The following HSD17B6 variants were observed in gnomAD, a reference collection of about 807,000 sequenced individuals.
HSD17B6 encodes 17-beta-hydroxysteroid dehydrogenase type 6.
HSD17B6 carries 16 observed loss-of-function variants against 26.4 expected under a neutral mutation model. The observed-to-expected ratio is 0.61, with a 90% CI of 0.41 to 0.92. The LOEUF (loss-of-function observed/expected upper bound fraction) is 0.92. Among genes scored for constraint, HSD17B6 ranks in the 40% least tolerant of loss-of-function variants. The pLI is 0.00. For missense variants in HSD17B6, 357 were observed against 386.1 expected (o/e 0.92, Z 0.63); for synonymous variants, 139 against 153.0 (o/e 0.91, Z 0.68).
At chr12:56,778,674 CTT>C (rs1159153527) in intron 2 of HSD17B6, among the ~76,000 whole-genome samples, 12 of 122,956 alleles carry the variant, frequency 9.8e-5, no homozygotes, top group Admixed American at 2.5e-4. Context: ...GAGTCTTTTT[CTT>C]TTTTTTTTTT....
chr12:56,774,468 C>G lies in HSD17B6; in HGVS notation c.313+303C>G, dbSNP rs560083774. 2.6e-5 allele frequency among the ~76,000 whole-genome samples: 4 copies of G among 152,266 alleles called. No individual in the cohort carries two copies. The South Asian group carries it at 8.3e-4, about 32-fold the overall frequency. On this transcript the variant is annotated intron_variant, in intron 2 of 4. Coordinates refer to ENST00000322165, the MANE Select transcript of HSD17B6 (RefSeq NM_003725.4). Reference sequence around the variant, plus strand: ...CAGCCGTCCCCAGCCTTTTTGGCACCAGGGACCGGTTTTGTGGAAGACAGT... The same window carrying G: ...CAGCCGTCCCCAGCCTTTTTGGCACGAGGGACCGGTTTTGTGGAAGACAGT...
intron 2 of HSD17B6, among the ~76,000 whole-genome samples, chr12:56,781,183 A>C (rs2137923825): frequency 6.6e-6 from 1 of 152,312 alleles, no homozygotes; most frequent in African/African-American, 2.4e-5. Flanking sequence ...ATTACTTCAA[A>C]TACTGCCTTT....
At chr12:56,767,905 TACAC>T (rs1030544604) in intron 1 of HSD17B6, among the ~76,000 whole-genome samples, 28 of 150,452 alleles carry the variant, frequency 1.9e-4, no homozygotes, top group Admixed American at 1.3e-3. Flanking sequence ...ATACAATGTA[TACAC>T]ACACGTATAC....
At chr12:56,772,143 A>G (rs1469556312) in intron 1 of HSD17B6, among the ~76,000 whole-genome samples, 1 of 151,840 alleles carries the variant, frequency 6.6e-6, no homozygotes, top group Non-Finnish European at 1.5e-5. Context: ...CTCAACTTAT[A>G]TTTTATTCTC....
At chr12:56,778,546 G>C (rs1954640198) in intron 2 of HSD17B6, among the ~76,000 whole-genome samples, 1 of 152,088 alleles carries the variant, frequency 6.6e-6, no homozygotes, top group Non-Finnish European at 1.5e-5. Flanking sequence ...CAAAGTGCTG[G>C]GATTACAGGC....
intron 1 of HSD17B6, among the ~76,000 whole-genome samples, chr12:56,765,864 G>C (rs1325905073): frequency 6.6e-6 from 1 of 152,108 alleles, no homozygotes; most frequent in Non-Finnish European, 1.5e-5. Context: ...CATGCAGAGA[G>C]GTTCTTGGAA....
intron 1 of HSD17B6, among the ~76,000 whole-genome samples, chr12:56,767,164 T>C (rs1954347403): frequency 6.6e-6 from 1 of 152,090 alleles, no homozygotes; most frequent in Admixed American, 6.6e-5. Context: ...GAAAAGTCAC[T>C]TAATTCTTGC....
Position 56,787,275 on chromosome 12 carries a change from A to AT in HSD17B6, c.890dup (p.Leu297PhefsTer12), listed in dbSNP as rs1390411872. 1 of 1,614,082 alleles carries AT rather than the reference A, an allele frequency of 6.2e-7. No homozygotes were observed. The highest frequency in any genetic ancestry group is 8.5e-7 in the Non-Finnish European group (1 of 1,179,994). On this transcript the variant is annotated frameshift_variant, in exon 5 of 5. Transcript: ENST00000322165. LOFTEE classifies it low-confidence loss of function (END_TRUNC). ...AAATTTTTCTTCATCCCTCTATCTT[A>AT]TTTACCTACATCACTGGCAGACTAC...
intron 1 of HSD17B6, 48 bp from the exon 2 acceptor site, chr12:56,773,786 T>A: frequency 6.8e-7 from 1 of 1,472,094 alleles, no homozygotes; most frequent in Non-Finnish European, 9.1e-7. Context: ...AATAGATATA[T>A]TGGTTAAATA....
chr12:56,773,047 G>A (rs1045468797), intron 1 of HSD17B6, among the ~76,000 whole-genome samples: 1 of 152,120 alleles, frequency 6.6e-6, no homozygotes, highest in East Asian at 1.9e-4. Flanking sequence ...ACTAAAAAAT[G>A]GTGGACTTTG....
In HSD17B6 at chr12:56,784,836, G is replaced by A. The variant is rs759704190; in HGVS notation, c.573-17G>A. 7 of 1,610,010 alleles carry A rather than the reference G, an allele frequency of 4.3e-6. No homozygotes were observed. The highest frequency in any genetic ancestry group is 5.9e-6 in the Non-Finnish European group (7 of 1,178,882). On this transcript the variant is annotated splice_polypyrimidine_tract_variant and intron_variant, in intron 3 of 4. Coordinates refer to ENST00000322165, the MANE Select transcript of HSD17B6 (RefSeq NM_003725.4). The stretch of plus-strand genomic sequence containing the variant: ...TGGTGGTGGTCTTTAATCATAACTT[G>A]TGGGGTTTTATTTCAGGCGTGAGAT...
chr12:56,773,883 C>G lies in HSD17B6; in HGVS notation c.31C>G (p.Leu11Val). 1 of 1,595,112 alleles carries G rather than the reference C, an allele frequency of 6.3e-7. No individual in the cohort carries two copies. Among genetic ancestry groups the G allele is most frequent in the Non-Finnish European group, 8.6e-7 (1 of 1,167,486 alleles). The part of the protein sequence containing the change: MWLYLAAFVG[L>V]YYLLHWYRER... Reference sequence around the variant, plus strand: ...GCTCTACCTGGCGGCCTTCGTGGGCCTGTACTACCTTCTGCACTGGTACCG... The same window carrying G: ...GCTCTACCTGGCGGCCTTCGTGGGCGTGTACTACCTTCTGCACTGGTACCG... The change falls in exon 2 of 5, where the codon CTG becomes GTG. Residue 11 changes from leucine (L) to valine (V), a missense_variant. Coordinates refer to ENST00000322165, the MANE Select transcript of HSD17B6 (RefSeq NM_003725.4).
At chr12:56,778,736 G>A (rs1954647010) in intron 2 of HSD17B6, among the ~76,000 whole-genome samples, 1 of 147,454 alleles carries the variant, frequency 6.8e-6, no homozygotes, top group South Asian at 2.1e-4. Context: ...GTGCAGTGGC[G>A]CAATCTCGGC....
chr12:56,768,876 G>A (rs1316259368), intron 1 of HSD17B6, among the ~76,000 whole-genome samples: 1 of 152,028 alleles, frequency 6.6e-6, no homozygotes, highest in Non-Finnish European at 1.5e-5. Context: ...AGAGAACATG[G>A]ATGGTAAAGG....
At chr12:56,776,106 A>G (rs1331414467) in intron 2 of HSD17B6, among the ~76,000 whole-genome samples, 2 of 151,188 alleles carry the variant, frequency 1.3e-5, no homozygotes, top group Non-Finnish European at 2.9e-5. Flanking sequence ...TTATATTTTT[A>G]GTAGAGATGG....
intron 1 of HSD17B6, among the ~76,000 whole-genome samples, chr12:56,766,518 T>C (rs1178776672): frequency 6.6e-6 from 1 of 152,192 alleles, no homozygotes; most frequent in Non-Finnish European, 1.5e-5. Flanking sequence ...TTGGTTTTGA[T>C]GGAACATAGG....
At chr12:56,766,532 T>C (rs1481892261) in intron 1 of HSD17B6, among the ~76,000 whole-genome samples, 1 of 152,092 alleles carries the variant, frequency 6.6e-6, no homozygotes, top group Non-Finnish European at 1.5e-5. Context: ...ACATAGGCAG[T>C]GTGAGAAAGA....
At chr12:56,783,389 A>G (rs1440807520) in intron 3 of HSD17B6, among the ~76,000 whole-genome samples, 1 of 102,216 alleles carries the variant, frequency 9.8e-6, no homozygotes, top group African/African-American at 3.8e-5. Flanking sequence ...TCCCTCCCGG[A>G]CGGGGCGGCT....
rs1261165210 is a variant in HSD17B6 at position 56,787,516 on chromosome 12, A to C, written c.*174A>C. 5 of 594,056 alleles carry C rather than the reference A, an allele frequency of 8.4e-6. No individual in the cohort carries two copies. Among genetic ancestry groups the C allele is most frequent in the African/African-American group, 3.7e-5 (2 of 53,762 alleles). The allele number at this position is 594,056 out of a possible 1,614,324, so 36.8% of individuals were successfully genotyped here. Reference sequence around the variant, plus strand: ...TTTATATTTCAGATATCCAAAGCTTACCACTTTAGGTGATGAATCTTTACT... The same window carrying C: ...TTTATATTTCAGATATCCAAAGCTTCCCACTTTAGGTGATGAATCTTTACT... On this transcript the variant is annotated 3_prime_UTR_variant, in exon 5 of 5. Coordinates refer to ENST00000322165, the MANE Select transcript of HSD17B6 (RefSeq NM_003725.4).
Sources: allele counts gnomAD v4.1 joint callset (sites outside exome capture counted in the v4.1 genomes callset), GRCh38; gene constraint gnomAD v4.1.1; transcripts MANE v1.5; gene names NCBI Gene and HGNC (gene_info 2026-07-23, HGNC 2026-07-21).